Variants in CCDC170 observed in about 807,000 individuals in gnomAD.
CCDC170 encodes the protein coiled-coil domain containing 170, also known as coiled-coil domain-containing protein 170.
A neutral mutation model predicts 72.6 loss-of-function variants in CCDC170; 69 were observed. The ratio of observed to expected loss-of-function variants is 0.95; its 90% CI spans 0.78 to 1.16. The LOEUF is 1.16. Ranked by LOEUF, CCDC170 falls within the 50% of genes most tolerant of loss-of-function variation. CCDC170 has a pLI of 0.00. For missense variants in CCDC170, 852 were observed against 832.5 expected (o/e 1.02, Z -0.29); for synonymous variants, 300 against 303.9 (o/e 0.99, Z 0.13).
intron 1 of CCDC170, among the ~76,000 whole-genome samples, chr6:151,499,368 G>A (rs113716681): frequency 3.7e-5 from 5 of 133,346 alleles, no homozygotes; most frequent in East Asian, 2.1e-4. Context: ...TTCTAGGCAC[G>A]CTGTATAAGT....
rs12055593 is a variant in CCDC170, at chr6:151,601,519, G to A, written c.1710+4942G>A. On this transcript the variant is annotated intron_variant, in intron 9 of 10. Transcript: ENST00000239374. ...TCAGTGTTCTCCAGAAAAACAGTGC[G>A]TGTGTGTGTGTGTGTATGTGTGTTT... 0.036 allele frequency among the ~76,000 whole-genome samples: 4,863 copies of A among 134,692 alleles called. 473 individuals carry two copies. In the East Asian group the frequency reaches 0.4, roughly 11 times the overall value. 88.4% of individuals were successfully genotyped at this position (134,692 alleles called of 152,430 possible). A position where few individuals can be genotyped will look rare whatever the true frequency, so the allele number is the denominator to read the frequency against.
intron 3 of CCDC170, among the ~76,000 whole-genome samples, chr6:151,543,379 G>GATACATATATACAT (rs1782721568): frequency 1.3e-5 from 2 of 151,944 alleles, no homozygotes; most frequent in African/African-American, 2.4e-5. Flanking sequence ...TTTGATACAT[G>GATACATATATACAT]TATACAATGT....
intron 6 of CCDC170, among the ~76,000 whole-genome samples, chr6:151,582,409 T>A (rs893723566): frequency 2.6e-5 from 4 of 152,244 alleles, no homozygotes; most frequent in African/African-American, 9.6e-5. Flanking sequence ...CTCTTAGGCT[T>A]CATAGATTTA....
intron 8 of CCDC170, 61 bp from the exon 9 acceptor site, chr6:151,596,273 AC>A: frequency 6.7e-7 from 1 of 1,482,120 alleles, no homozygotes; most frequent in South Asian, 1.4e-5. Context: ...TATCTGGGTA[AC>A]TCATTTATAT....
At chr6:151,506,922 C>T (rs1373881067) in intron 1 of CCDC170, among the ~76,000 whole-genome samples, 2 of 152,186 alleles carry the variant, frequency 1.3e-5, no homozygotes, top group African/African-American at 2.4e-5. Context: ...CCCTGGGTCT[C>T]GGGGCTGCTG....
intron 5 of CCDC170, among the ~76,000 whole-genome samples, chr6:151,556,930 T>C (rs181430812): frequency 6.6e-6 from 1 of 152,304 alleles, no homozygotes; most frequent in East Asian, 1.9e-4. Context: ...TTCTACTCTC[T>C]AACTATATGA....
chr6:151,563,893 C>A (rs980820555), intron 5 of CCDC170, among the ~76,000 whole-genome samples: 3 of 152,176 alleles, frequency 2.0e-5, no homozygotes, highest in Admixed American at 2.0e-4. Context: ...TTTTCTGCAG[C>A]TCAGCTTCTT....
In CCDC170 at chr6:151,593,182, C is replaced by A. The variant is rs550166524; in HGVS notation, c.1369C>A (p.Arg457=). Residue 457 remains arginine (R), a synonymous_variant, in exon 8 of 11, where the codon CGG becomes AGG. Transcript: ENST00000239374. The part of the protein sequence containing the change: ...QMAAELGFDM[R]LDVVLARTEQ... ...GGCTGCCGAACTTGGCTTTGACATG[C>A]GGCTGGACGTGGTTTTAGCTCGAAC... 2.5e-6 allele frequency: 4 copies of A among 1,614,028 alleles called. No individual in the cohort carries two copies. Among genetic ancestry groups the A allele is most frequent in the Non-Finnish European group, 2.5e-6 (3 of 1,180,024 alleles).
intron 1 of CCDC170, among the ~76,000 whole-genome samples, chr6:151,508,454 C>T (rs1189840024): frequency 1.3e-5 from 2 of 152,110 alleles, no homozygotes. Context: ...AGAAGGATTG[C>T]TTGAACCCAG....
chr6:151,586,226 A>G (rs188226090), intron 7 of CCDC170, 137 bp downstream of exon 7: 2 of 811,718 alleles, frequency 2.5e-6, no homozygotes, highest in African/African-American at 1.7e-5. Context: ...TCAAGGAACA[A>G]TGGGTTTGGA....
chr6:151,548,078 C>G (rs924281373), intron 4 of CCDC170, among the ~76,000 whole-genome samples: 3 of 152,184 alleles, frequency 2.0e-5, no homozygotes, highest in Non-Finnish European at 2.9e-5. Flanking sequence ...ACACTTTTGG[C>G]TTCATTATCC....
At chr6:151,578,472 T>C (rs1302659310) in intron 6 of CCDC170, among the ~76,000 whole-genome samples, 1 of 152,182 alleles carries the variant, frequency 6.6e-6, no homozygotes, top group Non-Finnish European at 1.5e-5. Context: ...CATGTCGGTC[T>C]TCGTGTCCAA....
At chr6:151,497,205 C>T (rs1781923442) in intron 1 of CCDC170, among the ~76,000 whole-genome samples, 1 of 152,130 alleles carries the variant, frequency 6.6e-6, no homozygotes, top group South Asian at 2.1e-4. Context: ...GACTGGGCAA[C>T]ATGGCAAAAC....
At chr6:151,599,224 C>T (rs531772628) in intron 9 of CCDC170, among the ~76,000 whole-genome samples, 103 of 152,296 alleles carry the variant, frequency 6.8e-4, no homozygotes, top group Non-Finnish European at 1.3e-3. Flanking sequence ...TGAAGAATTT[C>T]TCTTACCCAT....
At chr6:151,588,065 A>G (rs1440636381) in intron 7 of CCDC170, among the ~76,000 whole-genome samples, 1 of 152,192 alleles carries the variant, frequency 6.6e-6, no homozygotes, top group Non-Finnish European at 1.5e-5. Context: ...GTGAGATGGC[A>G]CTGGAGGCAG....
intron 6 of CCDC170, among the ~76,000 whole-genome samples, chr6:151,578,573 T>G (rs1374428372): frequency 6.6e-6 from 1 of 152,136 alleles, no homozygotes; most frequent in African/African-American, 2.4e-5. Flanking sequence ...AAAGACCCGA[T>G]CTCCAAAGAA....
intron 5 of CCDC170, among the ~76,000 whole-genome samples, chr6:151,552,914 G>GTA (rs1782906856): frequency 6.8e-6 from 1 of 146,976 alleles, no homozygotes; most frequent in Non-Finnish European, 1.5e-5. Context: ...AGCCTCCCTA[G>GTA]TAGCTGGGAT....
At chr6:151,519,374 C>T (rs1303431394) in intron 1 of CCDC170, among the ~76,000 whole-genome samples, 2 of 152,206 alleles carry the variant, frequency 1.3e-5, no homozygotes, top group African/African-American at 4.8e-5. Context: ...CGCAGGCAGT[C>T]AGACCCTATG....
At chr6:151,599,543 G>A (rs2115124070) in intron 9 of CCDC170, among the ~76,000 whole-genome samples, 1 of 152,244 alleles carries the variant, frequency 6.6e-6, no homozygotes. Flanking sequence ...AGTGGACAGG[G>A]GCTGGATCAC....
Sources: allele counts gnomAD v4.1 joint callset (sites outside exome capture counted in the v4.1 genomes callset), GRCh38; gene constraint gnomAD v4.1.1; transcripts MANE v1.5; gene names NCBI Gene and HGNC (gene_info 2026-07-23, HGNC 2026-07-21).